Variants in TTC28 observed in about 807,000 individuals in gnomAD.
The protein encoded by TTC28 is tetratricopeptide repeat protein 28.
In TTC28, 61 loss-of-function variants were observed where a neutral mutation model predicts 198.0. The observed-to-expected ratio is 0.31, with a 90% CI of 0.25 to 0.38. TTC28 has a LOEUF of 0.38. Ranked by LOEUF, TTC28 falls within the 10% of genes least tolerant of loss-of-function variation. The pLI is 1.00. For synonymous variants in TTC28, 1,171 were observed against 1,297.8 expected (o/e 0.90, Z 2.10); for missense variants, 2,678 against 3,164.0 (o/e 0.85, Z 3.69).
intron 12 of TTC28, among the ~76,000 whole-genome samples, chr22:28,036,375 C>T (rs761823980): frequency 2.6e-5 from 4 of 152,142 alleles, no homozygotes; most frequent in African/African-American, 9.7e-5. Context: ...CACTCAAAAC[C>T]GGACAACTAC....
At chr22:28,030,931 C>CG (rs1312443010) in intron 12 of TTC28, among the ~76,000 whole-genome samples, 3 of 152,162 alleles carry the variant, frequency 2.0e-5, no homozygotes, top group Admixed American at 2.0e-4. Context: ...GGGCAGGCAC[C>CG]GCTGGAAACG....
chr22:28,266,199 CTG>C (rs1438944105), intron 5 of TTC28, among the ~76,000 whole-genome samples: 2 of 151,752 alleles, frequency 1.3e-5, no homozygotes, highest in Non-Finnish European at 2.9e-5. Context: ...AAAAAAGTTC[CTG>C]TTTTTGTGGG....
At chr22:28,519,455 A>G (rs1280524436) in intron 2 of TTC28, among the ~76,000 whole-genome samples, 1 of 152,230 alleles carries the variant, frequency 6.6e-6, no homozygotes, top group South Asian at 2.1e-4. Flanking sequence ...AACTCTCTCT[A>G]CTTATAAGAT....
chr22:28,301,029 A>G (rs1229510428), intron 3 of TTC28, among the ~76,000 whole-genome samples: 1 of 150,160 alleles, frequency 6.7e-6, no homozygotes, highest in Non-Finnish European at 1.5e-5. Flanking sequence ...AGATACATAC[A>G]CACAAAAGTC....
At chr22:27,987,184 C>T (rs1041162709) in intron 21 of TTC28, among the ~76,000 whole-genome samples, 5 of 152,216 alleles carry the variant, frequency 3.3e-5, no homozygotes, top group Admixed American at 1.3e-4. Flanking sequence ...GCATGCAGAC[C>T]GACTCGCCCC....
At chr22:28,648,416 CT>C (rs1435800736) in intron 1 of TTC28, among the ~76,000 whole-genome samples, 2 of 152,154 alleles carry the variant, frequency 1.3e-5, no homozygotes, top group Non-Finnish European at 2.9e-5. Flanking sequence ...AGTACAACAT[CT>C]GTGTAAAACA....
chr22:28,427,233 A>G (rs538107833), intron 2 of TTC28, among the ~76,000 whole-genome samples: 12 of 152,304 alleles, frequency 7.9e-5, no homozygotes, highest in African/African-American at 2.9e-4. Flanking sequence ...ATTTTACAAG[A>G]TATATTTTCT....
intron 2 of TTC28, among the ~76,000 whole-genome samples, chr22:28,578,893 T>C (rs1418704896): frequency 2.0e-5 from 3 of 152,008 alleles, no homozygotes; most frequent in Admixed American, 6.6e-5. Flanking sequence ...ATCCCAGCTA[T>C]TGGAACCAGA....
At chr22:28,101,636 T>G (rs1942155726) in intron 8 of TTC28, among the ~76,000 whole-genome samples, 1 of 151,830 alleles carries the variant, frequency 6.6e-6, no homozygotes, top group East Asian at 1.9e-4. Context: ...CCTAAAGCAC[T>G]GGGATAGCAC....
chr22:28,066,981 C>T (rs1344989650), intron 12 of TTC28, among the ~76,000 whole-genome samples: 1 of 152,050 alleles, frequency 6.6e-6, no homozygotes, highest in Non-Finnish European at 1.5e-5. Flanking sequence ...GCCCTTTCTC[C>T]AGGAAGCCTC....
chr22:28,673,646 A>C (rs2051926775), intron 1 of TTC28, among the ~76,000 whole-genome samples: 1 of 152,234 alleles, frequency 6.6e-6, no homozygotes, highest in Non-Finnish European at 1.5e-5. Context: ...ATCATCATAA[A>C]ATGAATATCA....
chr22:28,210,494 A>G (rs1926837001), intron 5 of TTC28, among the ~76,000 whole-genome samples: 1 of 152,176 alleles, frequency 6.6e-6, no homozygotes, highest in African/African-American at 2.4e-5. Context: ...TGACACATAC[A>G]CAAGCTTCAG....
At chr22:28,066,752 A>G (rs962578003) in intron 12 of TTC28, among the ~76,000 whole-genome samples, 3 of 152,086 alleles carry the variant, frequency 2.0e-5, no homozygotes. Context: ...CCTATTCCAC[A>G]CTTCTGGCCC....
chr22:28,461,793 C>T (rs2047954529), intron 2 of TTC28, among the ~76,000 whole-genome samples: 1 of 152,164 alleles, frequency 6.6e-6, no homozygotes, highest in Admixed American at 6.5e-5. Context: ...TCCTCCTTGA[C>T]TTCAAAATAA....
intron 2 of TTC28, among the ~76,000 whole-genome samples, chr22:28,564,150 G>C (rs2049933497): frequency 6.6e-6 from 1 of 152,118 alleles, no homozygotes; most frequent in Non-Finnish European, 1.5e-5. Flanking sequence ...GGGAGCAAAT[G>C]CTTAATGCAT....
chr22:28,167,498 G>T (rs1037335469), intron 5 of TTC28, among the ~76,000 whole-genome samples: 1 of 152,188 alleles, frequency 6.6e-6, no homozygotes, highest in African/African-American at 2.4e-5. Flanking sequence ...TCATCTCTGC[G>T]ATGCAAGGCT....
chr22:28,093,870 T>C (rs1418267781), intron 12 of TTC28, among the ~76,000 whole-genome samples: 1 of 152,238 alleles, frequency 6.6e-6, no homozygotes, highest in Non-Finnish European at 1.5e-5. Context: ...CCCCATCTGA[T>C]GGAAAATCAC....
intron 2 of TTC28, among the ~76,000 whole-genome samples, chr22:28,578,497 C>A (rs759985907): frequency 6.6e-6 from 1 of 152,036 alleles, no homozygotes; most frequent in South Asian, 2.1e-4. Flanking sequence ...TGAATAGAAA[C>A]CTCCAGTGAT....
intron 6 of TTC28, among the ~76,000 whole-genome samples, chr22:28,132,134 A>C (rs1943072340): frequency 6.6e-6 from 1 of 152,218 alleles, no homozygotes. Flanking sequence ...AAGGAATGAG[A>C]AGATACAAGA....
Sources: gnomAD v4.1 joint callset for allele counts (sites outside exome capture counted in the v4.1 genomes callset) on GRCh38, gnomAD v4.1.1 for gene constraint, MANE v1.5 for transcripts, NCBI Gene and HGNC (gene_info 2026-07-23, HGNC 2026-07-21) for gene names.